MAML3: variants seen among roughly 807,000 people sequenced by gnomAD.
MAML3 encodes the protein mastermind like transcriptional coactivator 3, also known as mastermind-like protein 3.
A neutral mutation model predicts 101.9 loss-of-function variants in MAML3; 27 were observed. That is an observed-to-expected ratio of 0.27 (90% confidence interval 0.20 to 0.37). The LOEUF (loss-of-function observed/expected upper bound fraction) is 0.37. Among genes scored for constraint, MAML3 ranks in the 10% least tolerant of loss-of-function variants. The probability of loss-of-function intolerance (pLI) is 1.00; values close to 1 mark genes in which losing one functional copy is unlikely to be tolerated. For synonymous variants in MAML3, 501 were observed against 555.9 expected (o/e 0.90, Z 1.39); for missense variants, 1,316 against 1,444.9 (o/e 0.91, Z 1.45).
In MAML3 at chr4:139,720,343, A is replaced by C. The variant is rs888494869; in HGVS notation, c.2417-20T>G. ...GAGAACCTGCAGTGAAAAAGAGGACACATACCACTCACTCTTCTCCATAAG... is the reference window on the plus strand; with the variant it reads ...GAGAACCTGCAGTGAAAAAGAGGACCCATACCACTCACTCTTCTCCATAAG... On this transcript the variant is annotated intron_variant, in intron 4 of 4. Transcript: ENST00000509479. 3 of 1,513,284 alleles carry C rather than the reference A, an allele frequency of 2.0e-6. No homozygotes were observed. Among genetic ancestry groups the C allele is most frequent in the Non-Finnish European group, 8.8e-7 (1 of 1,132,462 alleles). The allele number at this position is 1,513,284 out of a possible 1,614,324, so 93.7% of individuals were successfully genotyped here.
chr4:139,792,882 C>T (rs1475213752), intron 2 of MAML3, among the ~76,000 whole-genome samples: 2 of 151,838 alleles, frequency 1.3e-5, no homozygotes, highest in African/African-American at 4.8e-5. Context: ...GTAACTGGGA[C>T]TATAGGCGCC....
chr4:140,078,779 C>G (rs950965655), intron 1 of MAML3, among the ~76,000 whole-genome samples: 2 of 152,084 alleles, frequency 1.3e-5, no homozygotes, highest in African/African-American at 4.8e-5. Flanking sequence ...TTCTCCGTGC[C>G]GGACTCCAAG....
intron 2 of MAML3, among the ~76,000 whole-genome samples, chr4:139,736,436 C>T (rs113228425): frequency 2.6e-4 from 39 of 152,274 alleles, no homozygotes; most frequent in African/African-American, 9.4e-4. Flanking sequence ...TAGACAGAGG[C>T]GCCTGGCTGT....
intron 2 of MAML3, among the ~76,000 whole-genome samples, chr4:139,879,922 C>A (rs1464532615): frequency 1.3e-5 from 2 of 152,164 alleles, no homozygotes; most frequent in Non-Finnish European, 2.9e-5. Flanking sequence ...CCTGTAATCC[C>A]AGCACTTTGG....
At chr4:139,993,330 TGACAGA>T (rs1261143471) in intron 1 of MAML3, among the ~76,000 whole-genome samples, 8 of 136,940 alleles carry the variant, frequency 5.8e-5, no homozygotes, top group African/African-American at 2.2e-4. Context: ...CCAGTCTGGG[TGACAGA>T]GTGAGACTCC....
At chr4:139,766,141 T>A (rs1729855655) in intron 2 of MAML3, among the ~76,000 whole-genome samples, 1 of 147,316 alleles carries the variant, frequency 6.8e-6, no homozygotes, top group Admixed American at 6.8e-5. Context: ...CGTAAGGCAC[T>A]ACTCAGTTAA....
intron 1 of MAML3, among the ~76,000 whole-genome samples, chr4:140,055,868 A>C (rs1445077080): frequency 6.6e-6 from 1 of 152,188 alleles, no homozygotes; most frequent in Non-Finnish European, 1.5e-5. Context: ...TTAAAAAAAA[A>C]AAAGGTAAGA....
At chr4:140,020,517 T>C (rs1489502202) in intron 1 of MAML3, among the ~76,000 whole-genome samples, 1 of 152,150 alleles carries the variant, frequency 6.6e-6, no homozygotes, top group Non-Finnish European at 1.5e-5. Flanking sequence ...TCAAATAGTT[T>C]GATATTGAGC....
intron 1 of MAML3, among the ~76,000 whole-genome samples, chr4:140,028,999 A>G (rs1362696324): frequency 1.3e-5 from 2 of 152,152 alleles, no homozygotes; most frequent in African/African-American, 4.8e-5. Context: ...AATGATGTCC[A>G]GTCTTCGAGG....
intron 1 of MAML3, among the ~76,000 whole-genome samples, chr4:140,053,343 G>A (rs10014190): frequency 0.038 from 5,818 of 152,086 alleles, 220 homozygotes; most frequent in African/African-American, 0.096. Context: ...CATGCCCCTC[G>A]GACCACTGCT....
At chr4:140,120,634 C>A (rs1045975111) in intron 1 of MAML3, among the ~76,000 whole-genome samples, 3 of 152,198 alleles carry the variant, frequency 2.0e-5, no homozygotes, top group Non-Finnish European at 4.4e-5. Flanking sequence ...CAGAATTAAT[C>A]TTTTCCCATA....
At position 139,890,052 on chromosome 4, in the gene MAML3, T is replaced by G. The variant is rs746812754; in HGVS notation, c.1384A>C (p.Met462Leu). 1.2e-6 allele frequency: 2 copies of G among 1,608,742 alleles called. No individual in the cohort carries two copies. Among genetic ancestry groups the G allele is most frequent in the African/African-American group, 2.7e-5 (2 of 74,870 alleles). ...SGPVAVPSSD[M>L]SPAEQLKQMA... ...TGTTTGAGCTGTTCTGCTGGAGACATGTCAGAGCTGGGCACAGCCACAGGC... is the reference window on the plus strand; with the variant it reads ...TGTTTGAGCTGTTCTGCTGGAGACAGGTCAGAGCTGGGCACAGCCACAGGC... Residue 462 changes from methionine (M) to leucine (L), a missense_variant, in exon 2 of 5, where the codon ATG becomes CTG. Transcript: ENST00000509479. This position sits in a 1 kb window ranked among gnomAD's most constrained non-coding sequence, Gnocchi z 4.1.
At position 139,719,355 on chromosome 4, in the gene MAML3, G is replaced by A; in HGVS notation, c.3385C>T (p.Gln1129Ter). 6.2e-7 allele frequency: 1 copy of A among 1,604,652 alleles called. No homozygotes were observed. Among genetic ancestry groups the A allele is most frequent in the African/African-American group, 1.3e-5 (1 of 74,860 alleles). The change falls in exon 5 of 5, where the codon CAG (glutamine) becomes TAG (stop). Residue 1129 changes from glutamine (Q) to a stop codon, truncating the protein, a stop_gained. Transcript: ENST00000509479. LOFTEE classifies it high-confidence loss of function. ...IKGGPGDEWM[Q>*]ELDELFGNP ...TTACCAAACAATTCATCAAGCTCCTGCATCCACTCGTCCCCTGGCCCGCCT... is the reference window on the plus strand; with the variant it reads ...TTACCAAACAATTCATCAAGCTCCTACATCCACTCGTCCCCTGGCCCGCCT...
chr4:139,748,763 A>AACT (rs1560781605), intron 2 of MAML3, among the ~76,000 whole-genome samples: 59 of 151,484 alleles, frequency 3.9e-4, no homozygotes, highest in African/African-American at 1.4e-3. Context: ...AGCAATTTCA[A>AACT]GCTCCGAGGT....
At chr4:139,787,353 C>G (rs1316603121) in intron 2 of MAML3, among the ~76,000 whole-genome samples, 2 of 152,238 alleles carry the variant, frequency 1.3e-5, no homozygotes, top group African/African-American at 4.8e-5. Flanking sequence ...GTTGAATTCA[C>G]TAAGTGTTGC....
chr4:139,881,724 C>T (rs1732224735), intron 2 of MAML3, among the ~76,000 whole-genome samples: 2 of 152,184 alleles, frequency 1.3e-5, no homozygotes, highest in African/African-American at 2.4e-5. Flanking sequence ...TTTATTGAAA[C>T]GGAGTCTCAC....
chr4:139,776,175 G>A (rs1191639196), intron 2 of MAML3, among the ~76,000 whole-genome samples: 1 of 152,162 alleles, frequency 6.6e-6, no homozygotes, highest in East Asian at 1.9e-4. Flanking sequence ...GTTCTTTGAT[G>A]TCAATTGCTG....
intron 1 of MAML3, 55 bp downstream of exon 1, chr4:140,152,805 A>ACCC: frequency 1.3e-6 from 2 of 1,515,820 alleles, no homozygotes; most frequent in Non-Finnish European, 1.8e-6. Context: ...CGCGCCCCCC[A>ACCC]CCACCACCAC....
rs192361322 is a variant in MAML3 at position 140,038,284 on chromosome 4, C to T, written c.468+114576G>A. 1.3e-4 allele frequency among the ~76,000 whole-genome samples: 20 copies of T among 152,330 alleles called. No homozygotes were observed. In the East Asian group the frequency reaches 1.9e-3, roughly 15 times the overall value. ...ATCTCACACCTGCATTTTACAGATACGGCAGGGAGTGAAATGAATTGTCCA... is the reference window on the plus strand; with the variant it reads ...ATCTCACACCTGCATTTTACAGATATGGCAGGGAGTGAAATGAATTGTCCA... On this transcript the variant is annotated intron_variant, in intron 1 of 4. Coordinates refer to ENST00000509479, the MANE Select transcript of MAML3 (RefSeq NM_018717.5).
Sources: gnomAD v4.1 joint callset for allele counts (sites outside exome capture counted in the v4.1 genomes callset) on GRCh38, gnomAD v4.1.1 for gene constraint, Gnocchi (gnomAD v3.1) non-coding constraint, MANE v1.5 for transcripts, NCBI Gene and HGNC (gene_info 2026-07-23, HGNC 2026-07-21) for gene names.